Variants in SEZ6L observed in about 807,000 individuals in gnomAD.
SEZ6L encodes seizure related 6 homolog like.
SEZ6L carries 37 observed loss-of-function variants against 106.2 expected under a neutral mutation model. That is an observed-to-expected ratio of 0.35 (90% confidence interval 0.27 to 0.46). The LOEUF (loss-of-function observed/expected upper bound fraction) is 0.46, where lower values mean the gene tolerates loss of function less well. Ranked by LOEUF, SEZ6L falls within the 20% of genes least tolerant of loss-of-function variation. SEZ6L has a pLI of 1.00. For missense variants in SEZ6L, 1,172 were observed against 1,332.8 expected (o/e 0.88, Z 1.88); for synonymous variants, 541 against 570.4 (o/e 0.95, Z 0.73).
At chr22:26,344,607 T>G (rs976736269) in intron 10 of SEZ6L, among the ~76,000 whole-genome samples, 2 of 152,204 alleles carry the variant, frequency 1.3e-5, no homozygotes, top group African/African-American at 2.4e-5. Context: ...ATTTGTGCAT[T>G]TCTTTTGTGC....
chr22:26,262,054 A>G (rs966939971), intron 1 of SEZ6L, among the ~76,000 whole-genome samples: 1 of 152,094 alleles, frequency 6.6e-6, no homozygotes, highest in Non-Finnish European at 1.5e-5. Context: ...TAGTCAAACC[A>G]TTTGGGTTTT....
At chr22:26,187,330 T>C (rs1005957966) in intron 1 of SEZ6L, among the ~76,000 whole-genome samples, 1 of 152,208 alleles carries the variant, frequency 6.6e-6, no homozygotes, top group Non-Finnish European at 1.5e-5. Context: ...ACCACCCCCA[T>C]GATCTAATCA....
chr22:26,284,267 T>TG (rs1441692234), intron 1 of SEZ6L, among the ~76,000 whole-genome samples: 1 of 152,186 alleles, frequency 6.6e-6, no homozygotes, highest in East Asian at 1.9e-4. Context: ...CCTTTTAAAG[T>TG]GAAAATATGT....
At chr22:26,344,178 A>G (rs1189173331) in intron 10 of SEZ6L, among the ~76,000 whole-genome samples, 1 of 152,192 alleles carries the variant, frequency 6.6e-6, no homozygotes, top group African/African-American at 2.4e-5. Flanking sequence ...TTTATCTGCT[A>G]TGATTGCAAT....
intron 1 of SEZ6L, among the ~76,000 whole-genome samples, chr22:26,270,047 G>C (rs1234051310): frequency 6.6e-6 from 1 of 152,136 alleles, no homozygotes; most frequent in East Asian, 1.9e-4. Flanking sequence ...CCCCAGCCTT[G>C]GACAGACCCA....
intron 1 of SEZ6L, among the ~76,000 whole-genome samples, chr22:26,189,582 A>G (rs1940034717): frequency 6.6e-6 from 1 of 150,388 alleles, no homozygotes; most frequent in Non-Finnish European, 1.5e-5. Context: ...TACTATAACA[A>G]CTATTTACGT....
chr22:26,199,529 G>T (rs1162958077), intron 1 of SEZ6L, among the ~76,000 whole-genome samples: 1 of 152,144 alleles, frequency 6.6e-6, no homozygotes, highest in Non-Finnish European at 1.5e-5. Context: ...GGTTCAATTT[G>T]TCTACCTGAT....
At chr22:26,289,371 C>T (rs569003741) in intron 1 of SEZ6L, among the ~76,000 whole-genome samples, 53 of 152,328 alleles carry the variant, frequency 3.5e-4, no homozygotes, top group Middle Eastern at 3.4e-3. Flanking sequence ...GGCAGATCCA[C>T]GTCTGGTCTA....
chr22:26,241,899 G>T (rs780814646), intron 1 of SEZ6L, among the ~76,000 whole-genome samples: 8 of 152,150 alleles, frequency 5.3e-5, no homozygotes, highest in Non-Finnish European at 1.0e-4. Flanking sequence ...CTCCCTTAAG[G>T]TTTATTTAAA....
intron 10 of SEZ6L, among the ~76,000 whole-genome samples, chr22:26,344,852 A>G (rs1186238188): frequency 6.6e-6 from 1 of 152,214 alleles, no homozygotes; most frequent in Admixed American, 6.5e-5. Flanking sequence ...TGCAAATGAG[A>G]ACAATGAGGC....
chr22:26,279,892 TG>T (rs919241851), intron 1 of SEZ6L, among the ~76,000 whole-genome samples: 1 of 152,204 alleles, frequency 6.6e-6, no homozygotes. Context: ...CTGAGAAGGC[TG>T]GGGTTTGTTC....
At chr22:26,318,987 C>T (rs777672421) in intron 9 of SEZ6L, among the ~76,000 whole-genome samples, 4 of 152,126 alleles carry the variant, frequency 2.6e-5, no homozygotes, top group Non-Finnish European at 5.9e-5. Context: ...CTGTCAATTT[C>T]CACGGTGTAA....
At chr22:26,302,779 G>A (rs1190833519) in intron 5 of SEZ6L, among the ~76,000 whole-genome samples, 2 of 152,198 alleles carry the variant, frequency 1.3e-5, no homozygotes, top group Non-Finnish European at 2.9e-5. Flanking sequence ...GATGGATGGG[G>A]AGCCACGGCT....
At position 26,169,743 on chromosome 22, in the gene SEZ6L, C is replaced by G. The variant is rs1938442718; in HGVS notation, c.74C>G (p.Pro25Arg). 1.0e-5 allele frequency: 13 copies of G among 1,261,284 alleles called. No homozygotes were observed. Among genetic ancestry groups the G allele is most frequent in the South Asian group, 5.9e-5 (2 of 33,956 alleles). The allele number at this position is 1,261,284 out of a possible 1,614,324, so 78.1% of individuals were successfully genotyped here. ...TTCCTCGCTCTGCTCCTGGGGAGCC[C>G]GGCGGCAGCGCTGGAGCGAGGTAAG... ...SLFLALLLGS[P>R]AAALERDALP... The change falls in exon 1 of 17, where the codon CCG becomes CGG. Residue 25 changes from proline to arginine, a missense_variant. By Grantham distance (103) the Pro-to-Arg change is moderately radical. Around this residue, in one of 4 missense-constraint regions of SEZ6L, gnomAD observed 494 missense variants for 445.8 expected, o/e 1.11. Transcript: ENST00000248933.
intron 1 of SEZ6L, among the ~76,000 whole-genome samples, chr22:26,211,135 C>A (rs546440119): frequency 6.6e-6 from 1 of 152,312 alleles, no homozygotes; most frequent in South Asian, 2.1e-4. Flanking sequence ...TAGCCTAGGT[C>A]TCTCTATTTC....
In SEZ6L at chr22:26,365,353, C is replaced by T. The variant is rs1188438478; in HGVS notation, c.2600-19C>T. On this transcript the variant is annotated intron_variant, in intron 12 of 16. Transcript: ENST00000248933. ...GATTTGCATCATCTCATCAGAGCTC[C>T]TTCTGGCTTGCATTTCAGCGGAGGA... 1.9e-6 allele frequency: 3 copies of T among 1,594,234 alleles called. No homozygotes were observed. The highest frequency in any genetic ancestry group is 2.6e-6 in the Non-Finnish European group (3 of 1,164,244).
intron 1 of SEZ6L, among the ~76,000 whole-genome samples, chr22:26,212,921 T>C (rs1316892447): frequency 6.6e-6 from 1 of 152,144 alleles, no homozygotes; most frequent in Non-Finnish European, 1.5e-5. Flanking sequence ...AGAACTCCCG[T>C]GCTTGGGATG....
chr22:26,276,480 G>A (rs1477468381), intron 1 of SEZ6L, among the ~76,000 whole-genome samples: 4 of 152,232 alleles, frequency 2.6e-5, no homozygotes, highest in Middle Eastern at 3.2e-3. Context: ...GAGAGAAATT[G>A]TTAACTTACT....
intron 1 of SEZ6L, among the ~76,000 whole-genome samples, chr22:26,242,154 G>T (rs2079156579): frequency 6.6e-6 from 1 of 152,256 alleles, no homozygotes; most frequent in Non-Finnish European, 1.5e-5. Context: ...AAATCATGGA[G>T]CCCCAATTCC....
Sources: gnomAD v4.1 joint callset for allele counts (sites outside exome capture counted in the v4.1 genomes callset) on GRCh38, gnomAD v4.1.1 for gene constraint, gnomAD v4.1.1 regional missense constraint, MANE v1.5 for transcripts, NCBI Gene and HGNC (gene_info 2026-07-23, HGNC 2026-07-21) for gene names.